The following UBE2E2 variants were observed in gnomAD, a reference collection of about 807,000 sequenced individuals.
The protein encoded by UBE2E2 is ubiquitin conjugating enzyme E2 E2.
A neutral mutation model predicts 24.7 loss-of-function variants in UBE2E2; 6 were observed. The observed-to-expected ratio is 0.24, with a 90% CI of 0.13 to 0.48. The LOEUF is 0.48. UBE2E2 is among the 20% of genes least tolerant of loss of function. The pLI, the probability that UBE2E2 is intolerant of heterozygous loss-of-function variation, is 0.99. For synonymous variants in UBE2E2, 104 were observed against 83.6 expected (o/e 1.24, Z -1.33); for missense variants, 169 against 245.0 (o/e 0.69, Z 2.07).
chr3:23,445,818 A>T (rs1325338794), intron 3 of UBE2E2, among the ~76,000 whole-genome samples: 2 of 152,178 alleles, frequency 1.3e-5, no homozygotes, highest in African/African-American at 4.8e-5. Context: ...TTGTTGGCAC[A>T]TAGTGAGGCA....
intron 3 of UBE2E2, among the ~76,000 whole-genome samples, chr3:23,379,125 ATCAAAG>A (rs1313970009): frequency 2.9e-4 from 44 of 152,302 alleles, no homozygotes; most frequent in Non-Finnish European, 7.4e-5. Context: ...AATGTCTGTG[ATCAAAG>A]TACTGAAAAA....
At chr3:23,204,474 G>A (rs1696091711) in intron 1 of UBE2E2, among the ~76,000 whole-genome samples, 1 of 152,088 alleles carries the variant, frequency 6.6e-6, no homozygotes, top group Non-Finnish European at 1.5e-5. Context: ...GGTTCTAAAG[G>A]ATTTTACGCT....
In UBE2E2 at chr3:23,583,918, G is replaced by A. The variant is rs1381042975; in HGVS notation, c.509-5816G>A. Among the ~76,000 whole-genome samples, 1 of 152,068 alleles carries A rather than the reference G, an allele frequency of 6.6e-6. No individual in the cohort carries two copies. Among genetic ancestry groups the A allele is most frequent in the Non-Finnish European group, 1.5e-5 (1 of 67,996 alleles). ...CGAATGCATTTTATTTCTTTCTCTT[G>A]CCTGATTGCTCTGGCTAAGAATTCC... On this transcript the variant is annotated intron_variant, in intron 5 of 5. Coordinates refer to ENST00000396703, the MANE Select transcript of UBE2E2 (RefSeq NM_152653.4). The surrounding 1 kb of genome is among the most constrained non-coding windows in gnomAD (Gnocchi z 4.1).
At chr3:23,393,505 C>G (rs1266518643) in intron 3 of UBE2E2, among the ~76,000 whole-genome samples, 1 of 152,030 alleles carries the variant, frequency 6.6e-6, no homozygotes, top group East Asian at 1.9e-4. Flanking sequence ...AGTCAGAAAC[C>G]CTGGGTGTGA....
At chr3:23,322,080 A>C (rs940069172) in intron 3 of UBE2E2, among the ~76,000 whole-genome samples, 3 of 152,212 alleles carry the variant, frequency 2.0e-5, no homozygotes, top group Non-Finnish European at 4.4e-5. Context: ...ATAGAAGAAA[A>C]ACTTAAGTGG....
At chr3:23,203,134 G>A, upstream of UBE2E2, 2 of 984,718 alleles carry the variant, frequency 2.0e-6, no homozygotes, top group Non-Finnish European at 2.4e-6. Flanking sequence ...ACGGCCGGGC[G>A]GCGGCGGCTC....
chr3:23,303,362 C>G (rs1267690885), intron 3 of UBE2E2, among the ~76,000 whole-genome samples: 1 of 152,134 alleles, frequency 6.6e-6, no homozygotes, highest in Non-Finnish European at 1.5e-5. Context: ...CCGGAAACCA[C>G]TCCCCTCAAC....
chr3:23,365,812 C>T (rs1354436394), intron 3 of UBE2E2, among the ~76,000 whole-genome samples: 2 of 152,072 alleles, frequency 1.3e-5, no homozygotes. Context: ...CAAAGCAGTC[C>T]TAAGCAAAAA....
intron 3 of UBE2E2, among the ~76,000 whole-genome samples, chr3:23,339,875 G>T (rs1435026583): frequency 6.6e-6 from 1 of 152,096 alleles, no homozygotes; most frequent in Non-Finnish European, 1.5e-5. Flanking sequence ...AGTAGTCAGA[G>T]TGATTAATTT....
chr3:23,343,085 C>G (rs540813180), intron 3 of UBE2E2, among the ~76,000 whole-genome samples: 13 of 129,902 alleles, frequency 1.0e-4, no homozygotes, highest in Non-Finnish European at 1.5e-4. Context: ...ATGTTAAAAC[C>G]TTACATATTA....
rs116914373 is a variant in UBE2E2, at chr3:23,241,919, G to A, written c.227+24607G>A. ...CCCAAGCCTGATGTTTTTGTTTCTT[G>A]TCTTAATATAGAGACAAGGTCTTAC... On this transcript the variant is annotated intron_variant, in intron 3 of 5. Coordinates refer to ENST00000396703, the MANE Select transcript of UBE2E2 (RefSeq NM_152653.4). 4.1e-3 allele frequency among the ~76,000 whole-genome samples: 625 copies of A among 152,078 alleles called. 29 individuals are homozygous for A. In the East Asian group the frequency reaches 0.081, roughly 20 times the overall value.
At chr3:23,294,801 T>C (rs2125252780) in intron 3 of UBE2E2, among the ~76,000 whole-genome samples, 1 of 150,434 alleles carries the variant, frequency 6.6e-6, no homozygotes, top group East Asian at 1.9e-4. Flanking sequence ...TTAGATTATT[T>C]GTATCTTTTT....
At chr3:23,265,145 G>C (rs1396125159) in intron 3 of UBE2E2, among the ~76,000 whole-genome samples, 1 of 152,152 alleles carries the variant, frequency 6.6e-6, no homozygotes, top group East Asian at 1.9e-4. Context: ...GAATTGAAGA[G>C]GCTTCAGACT....
chr3:23,514,927 T>C (rs1369106340), intron 4 of UBE2E2, among the ~76,000 whole-genome samples: 1 of 152,204 alleles, frequency 6.6e-6, no homozygotes, highest in East Asian at 1.9e-4. Context: ...GTTTCAGTAT[T>C]GGGTCAAAAT....
intron 3 of UBE2E2, among the ~76,000 whole-genome samples, chr3:23,255,519 A>G (rs145901486): frequency 6.6e-6 from 1 of 152,304 alleles, no homozygotes; most frequent in East Asian, 1.9e-4. Context: ...GAGAGCAAAC[A>G]TTTAGGGATT....
chr3:23,344,732 T>C (rs1233101281), intron 3 of UBE2E2, among the ~76,000 whole-genome samples: 1 of 150,892 alleles, frequency 6.6e-6, no homozygotes, highest in Admixed American at 6.6e-5. Context: ...ACACACTAAG[T>C]GAGGTGGTGT....
intron 3 of UBE2E2, among the ~76,000 whole-genome samples, chr3:23,412,674 T>C (rs566336922): frequency 6.6e-6 from 1 of 152,180 alleles, no homozygotes; most frequent in East Asian, 1.9e-4. Flanking sequence ...CAACTCTTCT[T>C]TCCTCATGCC....
At chr3:23,556,406 G>C (rs1221171567) in intron 5 of UBE2E2, among the ~76,000 whole-genome samples, 2 of 139,264 alleles carry the variant, frequency 1.4e-5, no homozygotes, top group Non-Finnish European at 3.0e-5. Flanking sequence ...CTCCCAAAGT[G>C]CTGGGATTAC....
intron 3 of UBE2E2, among the ~76,000 whole-genome samples, chr3:23,348,939 C>G (rs1010332020): frequency 6.6e-6 from 1 of 152,144 alleles, no homozygotes; most frequent in Admixed American, 6.5e-5. Flanking sequence ...GTTCTGCACA[C>G]TCCAGGGTAA....
Sources: allele counts gnomAD v4.1 joint callset (sites outside exome capture counted in the v4.1 genomes callset), GRCh38; gene constraint gnomAD v4.1.1; non-coding constraint Gnocchi (gnomAD v3.1); transcripts MANE v1.5; gene names NCBI Gene and HGNC (gene_info 2026-07-23, HGNC 2026-07-21).